The following DISP1 variants were observed in gnomAD, a reference collection of about 807,000 sequenced individuals.
DISP1 encodes the protein dispatched RND transporter family member 1, also known as protein dispatched homolog 1.
Under a neutral mutation model 37.3 loss-of-function variants are expected in DISP1, and 30 were observed. That is an observed-to-expected ratio of 0.80 (90% CI 0.60 to 1.09). The LOEUF (loss-of-function observed/expected upper bound fraction) is 1.09, where lower values mean the gene tolerates loss of function less well. Ranked by LOEUF, DISP1 falls within the 50% of genes least tolerant of loss-of-function variation. The probability of loss-of-function intolerance (pLI) is 0.00; values close to 1 mark genes in which losing one functional copy is unlikely to be tolerated. For synonymous variants in DISP1, 634 were observed against 690.2 expected, an observed-to-expected ratio of 0.92 and a Z score of 1.28; for missense variants, 1,598 against 1,879.5, an observed-to-expected ratio of 0.85 and a Z score of 2.77.
In DISP1 at chr1:223,005,578, TTGTC is replaced by T; in HGVS notation, c.4184_4187del (p.Val1395AlafsTer27). Reference sequence around the variant, plus strand: ...CCAAAGATGGCAGAGCCATCGTCATTTGTCTGCAGAAGCACTGGATCGTTACTCA... The same window carrying T: ...CCAAAGATGGCAGAGCCATCGTCATTTGCAGAAGCACTGGATCGTTACTCA... On this transcript the variant is annotated frameshift_variant, in exon 9 of 9. Transcript: ENST00000675850. LOFTEE classifies it low-confidence loss of function (END_TRUNC). The T allele has an allele frequency of 6.2e-7, 1 of 1,613,528 alleles. No homozygotes were observed. Among genetic ancestry groups the T allele is most frequent in the Non-Finnish European group, 8.5e-7 (1 of 1,179,880 alleles).
At chr1:222,890,142 C>T (rs1670860267) in intron 1 of DISP1, among the ~76,000 whole-genome samples, 1 of 151,940 alleles carries the variant, frequency 6.6e-6, no homozygotes, top group Admixed American at 6.6e-5. Flanking sequence ...TCTATATGAC[C>T]AGCTTTCTAT....
chr1:222,821,477 T>C (rs960491990), intron 1 of DISP1, among the ~76,000 whole-genome samples: 2 of 152,168 alleles, frequency 1.3e-5, no homozygotes, highest in Admixed American at 6.5e-5. Context: ...GTAATCCCCA[T>C]GTATCAAGAG....
chr1:222,904,636 C>T (rs1022014900), intron 1 of DISP1, among the ~76,000 whole-genome samples: 5 of 150,918 alleles, frequency 3.3e-5, no homozygotes, highest in East Asian at 1.9e-4. Flanking sequence ...AGCGCGGTCT[C>T]GGCTCACTGC....
At chr1:222,866,323 T>TTTGTTGTTGTTGTTG (rs34788109) in intron 1 of DISP1, among the ~76,000 whole-genome samples, 1 of 149,662 alleles carries the variant, frequency 6.7e-6, no homozygotes, top group Non-Finnish European at 1.5e-5. Context: ...CCGGGATAGT[T>TTTGTTGTTGTTGTTG]TTGTTGTTGT....
rs754471361 is a variant in DISP1 at position 223,003,556 on chromosome 1, T to G, written c.2159T>G (p.Leu720Arg). ...LPCIVIKFRY[L>R]WLFWFLALTV... ...TGCATTGTCATTAAGTTTCGCTACCTTTGGCTGTTTTGGTTCCTTGCCTTA... is the reference window on the plus strand; with the variant it reads ...TGCATTGTCATTAAGTTTCGCTACCGTTGGCTGTTTTGGTTCCTTGCCTTA... The change falls in exon 9 of 9, where the codon CTT becomes CGT. Residue 720 changes from leucine to arginine, a missense_variant. Leu to Arg is a moderately radical substitution (Grantham distance 102). Coordinates refer to ENST00000675850, the MANE Select transcript of DISP1 (RefSeq NM_001377229.1). This position sits in a 1 kb window ranked among gnomAD's most constrained non-coding sequence, Gnocchi z 4.3. 2 of 1,614,216 alleles carry G rather than the reference T, an allele frequency of 1.2e-6. No homozygotes were observed. The highest frequency in any genetic ancestry group is 8.5e-7 in the Non-Finnish European group (1 of 1,180,036).
chr1:222,960,256 T>A (rs1379284537), intron 3 of DISP1, among the ~76,000 whole-genome samples: 2 of 152,072 alleles, frequency 1.3e-5, no homozygotes, highest in Non-Finnish European at 2.9e-5. Context: ...GCAGAAGAAC[T>A]GAAATTGTAA....
chr1:222,874,396 T>C (rs116184194), intron 1 of DISP1, among the ~76,000 whole-genome samples: 1,748 of 151,740 alleles, frequency 0.012, 34 homozygotes, highest in African/African-American at 0.04. Flanking sequence ...ATTCTCCCCA[T>C]CGTAGATTTG....
chr1:222,818,664 T>C (rs769791594), intron 1 of DISP1, among the ~76,000 whole-genome samples: 37 of 152,210 alleles, frequency 2.4e-4, no homozygotes, highest in Non-Finnish European at 4.7e-4. Flanking sequence ...CAGAATTCTT[T>C]CTTCTTTGGG....
intron 1 of DISP1, among the ~76,000 whole-genome samples, chr1:222,816,099 AT>A (rs1558273088): frequency 2.2e-5 from 3 of 136,834 alleles, no homozygotes; most frequent in Non-Finnish European, 3.1e-5. Context: ...ATATATATAT[AT>A]ATAAATATTT....
At chr1:222,865,786 C>A (rs75491648) in intron 1 of DISP1, among the ~76,000 whole-genome samples, 73 of 151,926 alleles carry the variant, frequency 4.8e-4, no homozygotes, top group African/African-American at 1.7e-3. Flanking sequence ...GATTTTTATA[C>A]ACACACACAC....
chr1:222,951,570 C>G (rs144588292), intron 3 of DISP1, among the ~76,000 whole-genome samples: 57 of 127,434 alleles, frequency 4.5e-4, no homozygotes, highest in African/African-American at 1.7e-3. Flanking sequence ...TGGCATGAAC[C>G]TGATCATTGA....
chr1:222,885,422 T>C (rs776582384), intron 1 of DISP1, among the ~76,000 whole-genome samples: 10 of 152,002 alleles, frequency 6.6e-5, no homozygotes, highest in Non-Finnish European at 1.5e-4. Context: ...TCATCTTATA[T>C]TTTCCCAGCA....
At chr1:222,888,220 GTA>G (rs1670741617) in intron 1 of DISP1, among the ~76,000 whole-genome samples, 1 of 152,184 alleles carries the variant, frequency 6.6e-6, no homozygotes, top group Admixed American at 6.5e-5. Context: ...TGATCAGTGT[GTA>G]ATGGAAAGAA....
At chr1:222,957,702 CTT>C in intron 3 of DISP1, among the ~76,000 whole-genome samples, 1 of 152,176 alleles carries the variant, frequency 6.6e-6, no homozygotes, top group Non-Finnish European at 1.5e-5. Flanking sequence ...TGGGACTCAT[CTT>C]AAGAAGAAAT....
chr1:222,835,327 T>A (rs1032733772), intron 1 of DISP1: 1 of 152,222 alleles, frequency 6.6e-6, no homozygotes, highest in Non-Finnish European at 1.5e-5. Flanking sequence ...TCATTCAGAC[T>A]ATAGAACATC....
chr1:222,937,622 C>G (rs1674050605), intron 2 of DISP1, among the ~76,000 whole-genome samples: 1 of 151,986 alleles, frequency 6.6e-6, no homozygotes, highest in Non-Finnish European at 1.5e-5. Context: ...CCCAAAATTG[C>G]TAAATCATTC....
At chr1:222,999,089 T>C (rs1005970034) in intron 8 of DISP1, among the ~76,000 whole-genome samples, 1 of 152,134 alleles carries the variant, frequency 6.6e-6, no homozygotes, top group Admixed American at 6.6e-5. Context: ...TAAGGTATCA[T>C]TTAAAACTCT....
chr1:222,895,003 A>G (rs1484618078), intron 1 of DISP1, among the ~76,000 whole-genome samples: 1 of 152,224 alleles, frequency 6.6e-6, no homozygotes, highest in Non-Finnish European at 1.5e-5. Context: ...CAGGTAGAAA[A>G]ATAAGCATCT....
At chr1:222,866,492 G>A (rs912730792) in intron 1 of DISP1, among the ~76,000 whole-genome samples, 4 of 151,812 alleles carry the variant, frequency 2.6e-5, no homozygotes, top group African/African-American at 4.8e-5. Flanking sequence ...TTATGGGTGC[G>A]TGCCACCACG....
Sources: gnomAD v4.1 joint callset for allele counts (sites outside exome capture counted in the v4.1 genomes callset) on GRCh38, gnomAD v4.1.1 for gene constraint, Gnocchi (gnomAD v3.1) non-coding constraint, MANE v1.5 for transcripts, NCBI Gene and HGNC (gene_info 2026-07-23, HGNC 2026-07-21) for gene names.